SHISA6: variants seen among roughly 807,000 people sequenced by gnomAD.
SHISA6 encodes the protein shisa family member 6, also known as protein shisa-6.
In SHISA6, 22 loss-of-function variants were observed where a neutral mutation model predicts 47.9. That is an observed-to-expected ratio of 0.46 (90% CI 0.33 to 0.66). The LOEUF (loss-of-function observed/expected upper bound fraction) is 0.66, where lower values mean the gene tolerates loss of function less well. Ranked by LOEUF, SHISA6 falls within the 30% of genes least tolerant of loss-of-function variation. SHISA6 has a pLI of 0.02. For missense variants in SHISA6, 680 were observed against 764.6 expected (o/e 0.89, Z 1.30); for synonymous variants, 388 against 337.8 (o/e 1.15, Z -1.63).
chr17:11,379,788 G>A (rs1360519141), intron 3 of SHISA6: 1 of 328,908 alleles, frequency 3.0e-6, no homozygotes, highest in African/African-American at 2.2e-5. Context: ...GGGACCACAG[G>A]GAGTGTGGTG....
chr17:11,431,365 T>C (rs1267175383), intron 3 of SHISA6, among the ~76,000 whole-genome samples: 1 of 152,202 alleles, frequency 6.6e-6, no homozygotes, highest in Non-Finnish European at 1.5e-5. Flanking sequence ...TCTGTCCCTC[T>C]TACCCACACC....
chr17:11,489,897 A>G (rs1916433220), intron 3 of SHISA6, among the ~76,000 whole-genome samples: 1 of 152,198 alleles, frequency 6.6e-6, no homozygotes, highest in Admixed American at 6.5e-5. Flanking sequence ...CACACACAGC[A>G]AAGAATTATG....
At chr17:11,242,696 T>G (rs1485789656) in intron 1 of SHISA6, among the ~76,000 whole-genome samples, 3 of 152,208 alleles carry the variant, frequency 2.0e-5, no homozygotes, top group Non-Finnish European at 4.4e-5. Context: ...TGAAACCCTG[T>G]AGGCAGAACT....
chr17:11,449,488 G>A (rs556439668), intron 3 of SHISA6, among the ~76,000 whole-genome samples: 6 of 152,180 alleles, frequency 3.9e-5, no homozygotes, highest in African/African-American at 1.2e-4. Context: ...ATTGAGGCTT[G>A]GAAGACTTAG....
intron 1 of SHISA6, among the ~76,000 whole-genome samples, chr17:11,260,417 G>A (rs568143343): frequency 6.6e-6 from 1 of 152,122 alleles, no homozygotes; most frequent in Admixed American, 6.5e-5. Flanking sequence ...GTCCACATGG[G>A]GGGTGACAGG....
intron 3 of SHISA6, among the ~76,000 whole-genome samples, chr17:11,427,241 C>G (rs1477479643): frequency 6.6e-6 from 1 of 152,112 alleles, no homozygotes; most frequent in Non-Finnish European, 1.5e-5. Flanking sequence ...TCAAGCGATT[C>G]TCCTGCCTTA....
chr17:11,386,649 G>C (rs1157150154), intron 3 of SHISA6, among the ~76,000 whole-genome samples: 1 of 152,324 alleles, frequency 6.6e-6, no homozygotes, highest in African/African-American at 2.4e-5. Context: ...TGCTGGGGGT[G>C]TATTTCAGAA....
At chr17:11,295,385 C>T (rs1442886062) in intron 2 of SHISA6, among the ~76,000 whole-genome samples, 2 of 152,166 alleles carry the variant, frequency 1.3e-5, no homozygotes, top group East Asian at 1.9e-4. Context: ...GAATAAGACT[C>T]TGAATTCCCT....
At chr17:11,472,298 G>C (rs1915953188) in intron 3 of SHISA6, among the ~76,000 whole-genome samples, 1 of 152,142 alleles carries the variant, frequency 6.6e-6, no homozygotes, top group African/African-American at 2.4e-5. Context: ...CAGGGTCCAA[G>C]CAGTCTTTCC....
At chr17:11,314,820 GTGAGCCACTGCACC>G (rs1332904357) in intron 2 of SHISA6, among the ~76,000 whole-genome samples, 2 of 152,086 alleles carry the variant, frequency 1.3e-5, no homozygotes, top group Non-Finnish European at 2.9e-5. Flanking sequence ...GACTACAGGG[GTGAGCCACTGCACC>G]TGGCCCATGC....
intron 3 of SHISA6, among the ~76,000 whole-genome samples, chr17:11,534,895 C>T (rs2071772085): frequency 1.3e-5 from 2 of 152,020 alleles, no homozygotes; most frequent in Non-Finnish European, 2.9e-5. Context: ...TTTGGGAGGC[C>T]AAGGAGGGTG....
intron 3 of SHISA6, among the ~76,000 whole-genome samples, chr17:11,512,680 A>G (rs1301588971): frequency 6.6e-6 from 1 of 152,190 alleles, no homozygotes; most frequent in Non-Finnish European, 1.5e-5. Flanking sequence ...CAATAATCCT[A>G]TCACTCAAAA....
chr17:11,469,425 A>C (rs1471757554), intron 3 of SHISA6, among the ~76,000 whole-genome samples: 1 of 152,156 alleles, frequency 6.6e-6, no homozygotes, highest in African/African-American at 2.4e-5. Context: ...TATCACCTTG[A>C]TTTTAGCCCC....
chr17:11,477,837 T>G (rs1304058561), intron 3 of SHISA6, among the ~76,000 whole-genome samples: 2 of 151,590 alleles, frequency 1.3e-5, no homozygotes, highest in Non-Finnish European at 2.9e-5. Context: ...CATCTGGGTT[T>G]GTTCCAAGTC....
Position 11,241,892 on chromosome 17 carries a change from A to G in SHISA6, c.470A>G (p.Lys157Arg), listed in dbSNP as rs1907365569. Reference protein sequence around the residue: ...SPVWVQTPSTKVVSPGPENKY... With the variant: ...SPVWVQTPSTRVVSPGPENKY... ...GTGTGGGTACAGACGCCCAGCACCA[A>G]GGTGGTGTCGCCGGGGCCCGAGAAC... is the stretch of plus-strand genomic sequence containing the variant. The change falls in exon 1 of 6, where the codon AAG becomes AGG. Residue 157 changes from lysine (K) to arginine (R), a missense_variant. Physicochemically the swap from Lys to Arg is conservative, Grantham distance 26. Around this residue, in one of 2 missense-constraint regions of SHISA6, gnomAD observed 559 missense variants for 674.1 expected, o/e 0.83. Coordinates refer to ENST00000441885, the MANE Select transcript of SHISA6 (RefSeq NM_207386.4). The surrounding 1 kb of genome is among the most constrained non-coding windows in gnomAD (Gnocchi z 5.5). 6.4e-7 allele frequency: 1 copy of G among 1,551,204 alleles called. No homozygotes were observed. Among genetic ancestry groups the G allele is most frequent in the Non-Finnish European group, 8.7e-7 (1 of 1,147,022 alleles).
chr17:11,308,737 G>GGC (rs1910218054), intron 2 of SHISA6, among the ~76,000 whole-genome samples: 4 of 152,170 alleles, frequency 2.6e-5, no homozygotes, highest in Non-Finnish European at 5.9e-5. Context: ...TGTTGGGTAA[G>GGC]TATCCACAGG....
intron 3 of SHISA6, among the ~76,000 whole-genome samples, chr17:11,403,190 A>G (rs1448696919): frequency 6.6e-6 from 1 of 152,238 alleles, no homozygotes; most frequent in Non-Finnish European, 1.5e-5. Context: ...ATCCTTTCCA[A>G]TAAATGTACA....
At chr17:11,339,811 T>C (rs542372146) in intron 2 of SHISA6, among the ~76,000 whole-genome samples, 6 of 152,240 alleles carry the variant, frequency 3.9e-5, no homozygotes, top group African/African-American at 1.4e-4. Context: ...GCAGCTCTGA[T>C]CTGGTAGTGT....
chr17:11,498,012 TAC>T (rs1197732791), intron 3 of SHISA6, among the ~76,000 whole-genome samples: 2 of 152,190 alleles, frequency 1.3e-5, no homozygotes, highest in Admixed American at 1.3e-4. Context: ...GCTTAATAAA[TAC>T]AGTGTTTTTG....
Sources: gnomAD v4.1 joint callset for allele counts (sites outside exome capture counted in the v4.1 genomes callset) on GRCh38, gnomAD v4.1.1 for gene constraint, gnomAD v4.1.1 regional missense constraint, Gnocchi (gnomAD v3.1) non-coding constraint, MANE v1.5 for transcripts, NCBI Gene and HGNC (gene_info 2026-07-23, HGNC 2026-07-21) for gene names.